ZNF438: variants seen among roughly 807,000 people sequenced by gnomAD.
ZNF438 encodes the protein zinc finger protein 438.
In ZNF438, 25 loss-of-function variants were observed where a neutral mutation model predicts 38.0. That is an observed-to-expected ratio of 0.66 (90% confidence interval 0.48 to 0.92). The LOEUF (loss-of-function observed/expected upper bound fraction) is 0.92. Among genes scored for constraint, ZNF438 ranks in the 40% least tolerant of loss-of-function variants. The pLI, the probability that ZNF438 is intolerant of heterozygous loss-of-function variation, is 0.00. For synonymous variants in ZNF438, 372 were observed against 364.1 expected (o/e 1.02, Z -0.25); for missense variants, 1,007 against 999.6 (o/e 1.01, Z -0.10).
chr10:30,902,986 G>A (rs1046333375), intron 3 of ZNF438, among the ~76,000 whole-genome samples: 41 of 67,580 alleles, frequency 6.1e-4, no homozygotes, highest in Admixed American at 2.7e-3. Flanking sequence ...GAAATCGAGC[G>A]CAGCGCCGCA....
chr10:30,866,880 G>T (rs2036531997), intron 4 of ZNF438, among the ~76,000 whole-genome samples: 2 of 151,860 alleles, frequency 1.3e-5, no homozygotes, highest in Admixed American at 6.6e-5. Flanking sequence ...GTTAATGAAT[G>T]ATTTTTAAAA....
At chr10:31,015,226 G>A (rs2056099074) in intron 1 of ZNF438, among the ~76,000 whole-genome samples, 1 of 152,022 alleles carries the variant, frequency 6.6e-6, no homozygotes, top group South Asian at 2.1e-4. Context: ...CATCATTGCT[G>A]ATTGCCATTG....
intron 1 of ZNF438, among the ~76,000 whole-genome samples, chr10:31,013,452 C>T (rs901806998): frequency 2.6e-5 from 4 of 152,052 alleles, no homozygotes; most frequent in Non-Finnish European, 5.9e-5. Context: ...CAATTCCAAA[C>T]GTCCACCACT....
chr10:30,915,231 A>G (rs1032957103), intron 2 of ZNF438, among the ~76,000 whole-genome samples: 3 of 152,066 alleles, frequency 2.0e-5, no homozygotes, highest in African/African-American at 7.2e-5. Context: ...ATTAAATGTC[A>G]TTTAGAACCT....
At chr10:30,844,970 A>G (rs979484623) in exon 6 of ZNF438, 2 of 1,612,952 alleles carry the variant, frequency 1.2e-6, no homozygotes, top group Non-Finnish European at 1.7e-6. Context: ...CTCATTTCTC[A>G]GCTTCACTGG....
chr10:30,868,491 T>G (rs931619313), intron 4 of ZNF438, among the ~76,000 whole-genome samples: 1 of 152,190 alleles, frequency 6.6e-6, no homozygotes, highest in Non-Finnish European at 1.5e-5. Context: ...TCTATAAATG[T>G]TTTTAGGATT....
chr10:30,879,024 G>A (rs1217674387), intron 3 of ZNF438, among the ~76,000 whole-genome samples: 2 of 152,110 alleles, frequency 1.3e-5, no homozygotes, highest in African/African-American at 2.4e-5. Context: ...GATCCTTGCA[G>A]AGATTTCCAG....
chr10:30,936,064 C>T (rs1406374572), intron 2 of ZNF438, among the ~76,000 whole-genome samples: 3 of 152,174 alleles, frequency 2.0e-5, no homozygotes, highest in Admixed American at 2.0e-4. Flanking sequence ...TCTTACCTCA[C>T]AAATAAAAGC....
chr10:30,969,999 C>G (rs2136204815), intron 1 of ZNF438, among the ~76,000 whole-genome samples: 2 of 151,800 alleles, frequency 1.3e-5, no homozygotes, highest in Admixed American at 1.3e-4. Context: ...TTACTGAGAC[C>G]TTTGGCAAAT....
At chr10:30,907,357 T>C (rs1260034436) in intron 3 of ZNF438, among the ~76,000 whole-genome samples, 1 of 152,210 alleles carries the variant, frequency 6.6e-6, no homozygotes, top group Non-Finnish European at 1.5e-5. Context: ...ATTTTTATCA[T>C]GGTAATACAC....
intron 1 of ZNF438, among the ~76,000 whole-genome samples, chr10:30,977,409 C>G (rs997010183): frequency 1.3e-5 from 2 of 152,200 alleles, no homozygotes; most frequent in African/African-American, 4.8e-5. Context: ...ACAAGATCAT[C>G]TGTGGACCCA....
Position 30,850,203 on chromosome 10 carries a change from T to C in ZNF438, c.202A>G (p.Ile68Val). 2.5e-6 allele frequency: 4 copies of C among 1,614,146 alleles called. No individual in the cohort carries two copies. In the East Asian group the frequency reaches 8.9e-5, roughly 36 times the overall value. The change falls in exon 5 of 6, where the codon ATC becomes GTC. Residue 68 changes from isoleucine (I) to valine (V), a missense_variant. Coordinates refer to ENST00000413025, the Ensembl canonical transcript of ZNF438. ...GACATCCCCAGCAGCTTGGAGTTGA[T>C]GGAGGGTCCCAGATTCACCTGATCA...
chr10:30,874,114 GTATATATATATATATATA>G lies in ZNF438; in HGVS notation c.37+2866_37+2883del, dbSNP rs58422289. ...TGTGGGTGTGTGGGGGTGTGTGTGT[GTATATATATATATATATA>G]TATATATATATATATATATATATAT... On this transcript the variant is annotated intron_variant, in intron 4 of 5. Coordinates refer to ENST00000413025, the Ensembl canonical transcript of ZNF438. Among the ~76,000 whole-genome samples, 47 of 80,298 alleles carry G rather than the reference GTATATATATATATATATA, an allele frequency of 5.9e-4. 1 individual carries two copies. The highest frequency in any genetic ancestry group is 2.0e-3 in the Admixed American group (16 of 8,126). The allele number at this position is 80,298 out of a possible 152,430, so 52.7% of individuals were successfully genotyped here.
intron 3 of ZNF438, among the ~76,000 whole-genome samples, chr10:30,883,463 C>T (rs879911516): frequency 4.6e-5 from 7 of 151,984 alleles, no homozygotes; most frequent in Non-Finnish European, 2.9e-5. Context: ...TTAAAATACA[C>T]AAAAAATGTA....
chr10:30,915,368 A>G (rs1488337381), intron 2 of ZNF438, among the ~76,000 whole-genome samples: 1 of 152,098 alleles, frequency 6.6e-6, no homozygotes, highest in African/African-American at 2.4e-5. Flanking sequence ...TAAATGAAGC[A>G]ATAAGGCTTT....
exon 6 of ZNF438, chr10:30,845,169 G>A: frequency 6.2e-7 from 1 of 1,614,192 alleles, no homozygotes; most frequent in East Asian, 2.2e-5. Context: ...AGGACACTCA[G>A]GGCCCTGGCA....
At chr10:30,943,432 T>G (rs1011936081) in intron 1 of ZNF438, among the ~76,000 whole-genome samples, 5 of 152,122 alleles carry the variant, frequency 3.3e-5, no homozygotes, top group Admixed American at 3.3e-4. Context: ...GAAAAAATAC[T>G]TGAATTTAAG....
intron 1 of ZNF438, among the ~76,000 whole-genome samples, chr10:30,980,733 A>G (rs1208460538): frequency 6.6e-6 from 1 of 152,210 alleles, no homozygotes; most frequent in Admixed American, 6.5e-5. Flanking sequence ...CGTGTGGAAA[A>G]TAAATACAGA....
chr10:30,845,598 A>G, intron 5 of ZNF438, 25 bp from the exon 7 acceptor site: 2 of 1,582,354 alleles, frequency 1.3e-6, no homozygotes, highest in Non-Finnish European at 1.7e-6. Flanking sequence ...AATAATGAAG[A>G]TAAGATTTCA....
Sources: allele counts gnomAD v4.1 joint callset (sites outside exome capture counted in the v4.1 genomes callset), GRCh38; gene constraint gnomAD v4.1.1; transcripts MANE v1.5; gene names NCBI Gene and HGNC (gene_info 2026-07-23, HGNC 2026-07-21).